SPATA19: variants seen among roughly 807,000 people sequenced by gnomAD.
SPATA19 encodes spermatogenesis-associated protein 19, mitochondrial.
SPATA19 carries 19 observed loss-of-function variants against 25.0 expected under a neutral mutation model. The observed-to-expected ratio is 0.76, with a 90% CI of 0.53 to 1.11. The LOEUF (loss-of-function observed/expected upper bound fraction) is 1.11. SPATA19 is among the 50% of genes most tolerant of loss of function. The pLI is 0.00. For missense variants in SPATA19, 222 were observed against 211.4 expected (o/e 1.05, Z -0.31); for synonymous variants, 64 against 69.3 (o/e 0.92, Z 0.38).
chr11:133,845,412 GCAAGAATAT>G lies in SPATA19; in HGVS notation c.26_34del (p.Tyr9_Ala12delinsSer), dbSNP rs1565397927. The G allele has an allele frequency of 6.2e-7, 1 of 1,614,102 alleles. No individual in the cohort carries two copies. On this transcript the variant is annotated inframe_deletion, in exon 1 of 7. Coordinates refer to ENST00000299140, the MANE Select transcript of SPATA19 (RefSeq NM_174927.3). ...GAAGGGAAGCCCTACACCTTTCCGA[GCAAGAATAT>G]ACACAATCCATGTCGTAATTATCAT... is the stretch of plus-strand genomic sequence containing the variant.
chr11:133,845,328 T>C lies in SPATA19; in HGVS notation c.78+41A>G, dbSNP rs528026097. ...CAGGGTCCCACAGGGGGAGAAGATA[T>C]ATGAAAAATTATTCCATGTGACTAC... is the stretch of plus-strand genomic sequence containing the variant. On this transcript the variant is annotated intron_variant, in intron 1 of 6. Transcript: ENST00000299140. The C allele has an allele frequency of 2.6e-6, 4 of 1,532,028 alleles. No individual in the cohort carries two copies. The South Asian group carries it at 4.5e-5, about 17-fold the overall frequency. 94.9% of individuals were successfully genotyped at this position (1,532,028 alleles called of 1,614,324 possible).
intron 2 of SPATA19, among the ~76,000 whole-genome samples, 154 bp downstream of exon 2, chr11:133,844,980 C>A (rs79170039): frequency 6.6e-6 from 1 of 152,154 alleles, no homozygotes. Context: ...TGTCCTCCAG[C>A]ACATGTGAAG....
At chr11:133,840,398 G>A (rs1938280566), downstream of SPATA19, among the ~76,000 whole-genome samples, 1 of 152,146 alleles carries the variant, frequency 6.6e-6, no homozygotes, top group African/African-American at 2.4e-5. Flanking sequence ...TAACATAAAT[G>A]TCTGAAACAA....
At chr11:133,838,282 G>GA (rs1365503980), downstream of SPATA19, among the ~76,000 whole-genome samples, 3 of 151,838 alleles carry the variant, frequency 2.0e-5, no homozygotes, top group Admixed American at 6.6e-5. Context: ...GAAACTCTAA[G>GA]AAAAAAAGTC....
chr11:133,844,582 T>A lies in SPATA19; in HGVS notation c.194A>T (p.Gln65Leu), dbSNP rs767500234. The A allele has an allele frequency of 6.2e-7, 1 of 1,613,862 alleles. No homozygotes were observed. Among genetic ancestry groups the A allele is most frequent in the Non-Finnish European group, 8.5e-7 (1 of 1,179,886 alleles). Residue 65 changes from glutamine (Q) to leucine (L), a missense_variant, in exon 3 of 7, where the codon CAG becomes CTG. Coordinates refer to ENST00000299140, the MANE Select transcript of SPATA19 (RefSeq NM_174927.3). ...AGTGGACATCTTCTCCCTTACACCC[T>A]GGGAAGGGTGGTTGATGGACAGCTT... The part of the protein sequence containing the change: ...KEKLSINHPS[Q>L]GVREKMSTDS...
downstream of SPATA19, among the ~76,000 whole-genome samples, chr11:133,838,164 G>T (rs58303913): frequency 9.7e-4 from 148 of 152,272 alleles, no homozygotes; most frequent in African/African-American, 3.5e-3. Context: ...AGATATGTTG[G>T]AATTATTAGA....
At chr11:133,844,032 C>T (rs944930706) in intron 4 of SPATA19, among the ~76,000 whole-genome samples, 1 of 152,122 alleles carries the variant, frequency 6.6e-6, no homozygotes, top group African/African-American at 2.4e-5. Context: ...GAGTGCAAGC[C>T]CAGTTTTCCA....
chr11:133,842,240 A>T, intron 5 of SPATA19, 135 bp from the exon 6 acceptor site: 1 of 891,704 alleles, frequency 1.1e-6, no homozygotes. Flanking sequence ...CTGGGAGCAC[A>T]GTCATATGAA....
In SPATA19 at chr11:133,844,216, C is replaced by T. The variant is rs750023547; in HGVS notation, c.359+30G>A. On this transcript the variant is annotated intron_variant, in intron 4 of 6. Transcript: ENST00000299140. ...GGCTTGCGCATCTCTCCCTCCCCTT[C>T]CTTCGCCCAGGGCAAGTGGGACACC... is the stretch of plus-strand genomic sequence containing the variant. The T allele has an allele frequency of 1.9e-6, 3 of 1,592,862 alleles. No homozygotes were observed. In the Admixed American group the frequency reaches 5.0e-5, roughly 27 times the overall value.
downstream of SPATA19, among the ~76,000 whole-genome samples, chr11:133,839,672 A>C (rs1938270387): frequency 6.6e-6 from 1 of 152,152 alleles, no homozygotes; most frequent in Admixed American, 6.6e-5. Flanking sequence ...CTAAAACTTA[A>C]AGTGTAATAA....
chr11:133,844,368 T>C (rs758429012), intron 3 of SPATA19, 31 bp from the exon 4 acceptor site: 6 of 1,611,774 alleles, frequency 3.7e-6, no homozygotes, highest in Non-Finnish European at 5.1e-6. Context: ...ATGTGATTCC[T>C]GCCCAGTGTG....
downstream of SPATA19, among the ~76,000 whole-genome samples, chr11:133,839,374 C>T (rs540572678): frequency 4.8e-4 from 73 of 152,262 alleles, no homozygotes; most frequent in African/African-American, 1.7e-3. Flanking sequence ...AGTTAATGTC[C>T]TTTGTAGGGA....
chr11:133,844,426 C>T lies in SPATA19; in HGVS notation c.267+83G>A, dbSNP rs144832184. 5.8e-3 allele frequency: 9,376 copies of T among 1,611,948 alleles called. 59 individuals are homozygous for T. The highest frequency in any genetic ancestry group is 0.012 in the South Asian group (1,079 of 90,976). ...AGCCCAGACGAGCACCTCACCCTTG[C>T]CCAGAATCATTTACGGTGCACCTCC... On this transcript the variant is annotated intron_variant, in intron 3 of 6. Coordinates refer to ENST00000299140, the MANE Select transcript of SPATA19 (RefSeq NM_174927.3).
intron 3 of SPATA19, 50 bp downstream of exon 3, chr11:133,844,459 C>G: frequency 6.2e-7 from 1 of 1,613,738 alleles, no homozygotes; most frequent in Non-Finnish European, 8.5e-7. Context: ...TCCCACCTCT[C>G]CCCTCTCCCT....
chr11:133,839,325 T>C (rs981418085), downstream of SPATA19, among the ~76,000 whole-genome samples: 2 of 152,178 alleles, frequency 1.3e-5, no homozygotes, highest in Non-Finnish European at 2.9e-5. Context: ...ATGAGGCACA[T>C]ATCCACCATG....
At chr11:133,839,449 C>G (rs1192777217), downstream of SPATA19, among the ~76,000 whole-genome samples, 1 of 150,054 alleles carries the variant, frequency 6.7e-6, no homozygotes, top group Non-Finnish European at 1.5e-5. Flanking sequence ...CCAAACACCG[C>G]ATGTCCTCAC....
At chr11:133,845,243 T>TGGGCCC in intron 1 of SPATA19, 53 bp from the exon 2 acceptor site, 1 of 1,555,082 alleles carries the variant, frequency 6.4e-7, no homozygotes, top group Non-Finnish European at 8.8e-7. Flanking sequence ...ATTCAGCTCT[T>TGGGCCC]CCCACCCAGC....
chr11:133,838,833 A>G (rs1938250765), downstream of SPATA19, among the ~76,000 whole-genome samples: 1 of 152,230 alleles, frequency 6.6e-6, no homozygotes, highest in South Asian at 2.1e-4. Flanking sequence ...CAAATTTACA[A>G]GAAAAAAACA....
downstream of SPATA19, among the ~76,000 whole-genome samples, chr11:133,836,638 T>C (rs1029203205): frequency 2.0e-5 from 3 of 152,350 alleles, no homozygotes; most frequent in South Asian, 6.2e-4. Context: ...GGATGACGAT[T>C]TTAAAATAGA....
Sources: gnomAD v4.1 joint callset for allele counts (sites outside exome capture counted in the v4.1 genomes callset) on GRCh38, gnomAD v4.1.1 for gene constraint, MANE v1.5 for transcripts, NCBI Gene and HGNC (gene_info 2026-07-23, HGNC 2026-07-21) for gene names.